Variants in NCAM1 observed in about 807,000 individuals in gnomAD.
NCAM1 encodes antigen recognized by monoclonal antibody 5.1H11.
NCAM1 carries 14 observed loss-of-function variants against 109.8 expected under a neutral mutation model. The observed-to-expected ratio is 0.13, with a 90% CI of 0.08 to 0.20. The LOEUF (loss-of-function observed/expected upper bound fraction) is 0.20. Ranked by LOEUF, NCAM1 falls within the 10% of genes least tolerant of loss-of-function variation. NCAM1 has a pLI of 1.00. For missense variants in NCAM1, 774 were observed against 1,109.9 expected (o/e 0.70, Z 4.30); for synonymous variants, 418 against 442.9 (o/e 0.94, Z 0.70).
intron 1 of NCAM1, among the ~76,000 whole-genome samples, chr11:113,126,801 A>G (rs1941198143): frequency 6.6e-6 from 1 of 152,234 alleles, no homozygotes. Flanking sequence ...GAGAATAAGC[A>G]AATTCACAGC....
chr11:113,246,405 TG>T (rs1555120245), intron 15 of NCAM1, 35 bp downstream of exon 15: 1 of 732,976 alleles, frequency 1.4e-6, no homozygotes, highest in Admixed American at 1.9e-5. Context: ...GAAATAAATC[TG>T]GGACCACAGC....
intron 1 of NCAM1, among the ~76,000 whole-genome samples, chr11:113,089,665 A>G (rs1245108): frequency 0.83 from 126,542 of 152,122 alleles, 52,975 homozygotes; most frequent in African/African-American, 0.92. Flanking sequence ...GAATAAATGT[A>G]TTGCAAGAGT....
intron 9 of NCAM1, among the ~76,000 whole-genome samples, chr11:113,222,891 C>T (rs540830401): frequency 6.6e-6 from 1 of 152,236 alleles, no homozygotes; most frequent in Admixed American, 6.5e-5. Context: ...AATGCTGCCC[C>T]TAGGGCTCAG....
chr11:113,270,553 C>G lies in NCAM1; in HGVS notation c.2339+158C>G, dbSNP rs1946244505. 8 of 690,550 alleles carry G rather than the reference C, an allele frequency of 1.2e-5. 1 individual carries two copies. In the South Asian group the frequency reaches 1.5e-4, roughly 13 times the overall value. 42.8% of individuals were successfully genotyped at this position (690,550 alleles called of 1,614,324 possible). On this transcript the variant is annotated intron_variant, in intron 18 of 19. Transcript: ENST00000316851. Reference sequence around the variant, plus strand: ...GGGGAAAAACATTAGAGAAAAGTTTCTCAAAGCATGGTCTTTGGGGGTTAC... The same window carrying G: ...GGGGAAAAACATTAGAGAAAAGTTTGTCAAAGCATGGTCTTTGGGGGTTAC...
At chr11:113,057,592 A>G (rs1953755996) in intron 1 of NCAM1, among the ~76,000 whole-genome samples, 1 of 152,190 alleles carries the variant, frequency 6.6e-6, no homozygotes, top group Non-Finnish European at 1.5e-5. Context: ...GGACTACACT[A>G]GAATGGAGGA....
chr11:113,269,904 G>A (rs529119077), intron 17 of NCAM1: 16 of 499,016 alleles, frequency 3.2e-5, no homozygotes, highest in Admixed American at 6.6e-5. Flanking sequence ...TCAGACAGGC[G>A]GGGCTCAGTC....
At chr11:113,263,161 G>T (rs1474761403) in intron 17 of NCAM1, 1 of 1,195,508 alleles carries the variant, frequency 8.4e-7, no homozygotes, top group Non-Finnish European at 1.0e-6. Flanking sequence ...GCAGTAAAAA[G>T]AATTTGAGAG....
At chr11:113,184,764 G>T (rs1943444507) in intron 1 of NCAM1, among the ~76,000 whole-genome samples, 1 of 152,056 alleles carries the variant, frequency 6.6e-6, no homozygotes, top group Admixed American at 6.6e-5. Flanking sequence ...CTGATCAGCT[G>T]ACACTTATGG....
intron 1 of NCAM1, among the ~76,000 whole-genome samples, chr11:112,974,982 C>A (rs1950970295): frequency 6.6e-6 from 1 of 151,866 alleles, no homozygotes; most frequent in African/African-American, 2.4e-5. Context: ...TTTTTGAAGT[C>A]TTTTATCTTG....
chr11:113,028,191 T>G (rs546325027), intron 1 of NCAM1, among the ~76,000 whole-genome samples: 1 of 152,318 alleles, frequency 6.6e-6, no homozygotes, highest in African/African-American at 2.4e-5. Flanking sequence ...TCTTGAAAGT[T>G]ATGACCACAA....
Position 113,009,312 on chromosome 11 carries a change from G to GTTTTTTTTTTTTTT in NCAM1, c.52+47664_52+47677dup, listed in dbSNP as rs781818836. On this transcript the variant is annotated intron_variant, in intron 1 of 19. Coordinates refer to ENST00000316851, the MANE Select transcript of NCAM1 (RefSeq NM_181351.5). ...GATTTAATTGGAAGGGTTTTTTCGG[G>GTTTTTTTTTTTTTT]TTTTTTTTTTTTTTTTTTTTTTTTT... Among the ~76,000 whole-genome samples the GTTTTTTTTTTTTTT allele has an allele frequency of 2.4e-3, 191 of 79,662 alleles. 2 individuals carry two copies. The highest frequency in any genetic ancestry group is 2.7e-3 in the Non-Finnish European group (113 of 42,098). The allele number at this position is 79,662 out of a possible 152,430, so 52.3% of individuals were successfully genotyped here. A position where few individuals can be genotyped will look rare whatever the true frequency, so the allele number is the denominator to read the frequency against.
At chr11:112,979,654 C>T (rs1397601209) in intron 1 of NCAM1, among the ~76,000 whole-genome samples, 3 of 151,796 alleles carry the variant, frequency 2.0e-5, no homozygotes, top group Admixed American at 1.3e-4. Context: ...TGGGATCTAT[C>T]TGCTTCTTTA....
intron 1 of NCAM1, among the ~76,000 whole-genome samples, chr11:112,970,993 A>G (rs1444249338): frequency 6.6e-6 from 1 of 152,160 alleles, no homozygotes; most frequent in African/African-American, 2.4e-5. Context: ...TGATGGAGAA[A>G]TTAAGAGACA....
rs372122947 is a variant in NCAM1, at chr11:113,275,320, C to T, written c.2510C>T (p.Ala837Val). 1.1e-4 allele frequency: 179 copies of T among 1,613,484 alleles called. No individual in the cohort carries two copies. The highest frequency in any genetic ancestry group is 1.4e-4 in the Non-Finnish European group (169 of 1,179,768). Reference sequence around the variant, plus strand: ...TGCCAGGAGACAGAAACGAAGCCAGCGCCAGCCGAAGTCAAGACGGTCCCC... The same window carrying T: ...TGCCAGGAGACAGAAACGAAGCCAGTGCCAGCCGAAGTCAAGACGGTCCCC... ...PECQETETKP[A>V]PAEVKTVPND... is the part of the protein sequence containing the mutation. Residue 837 changes from alanine (A) to valine (V), a missense_variant, in exon 20 of 20, where the codon GCG becomes GTG. Physicochemically the swap from Ala to Val is moderately conservative, Grantham distance 64 (BLOSUM62 0). Around this residue, in one of 4 missense-constraint regions of NCAM1, gnomAD observed 122 missense variants for 129.7 expected, o/e 0.94. Coordinates refer to ENST00000316851, the MANE Select transcript of NCAM1 (RefSeq NM_181351.5).
intron 1 of NCAM1, chr11:113,133,754 G>T (rs1555098823): frequency 6.6e-6 from 1 of 152,124 alleles, no homozygotes; most frequent in African/African-American, 2.4e-5. Flanking sequence ...TCACAGTTAA[G>T]CTGTGTAAAG....
chr11:112,965,309 T>A (rs572814919), intron 1 of NCAM1, among the ~76,000 whole-genome samples: 1 of 152,154 alleles, frequency 6.6e-6, no homozygotes, highest in East Asian at 1.9e-4. Context: ...GTAAGGGATG[T>A]GGGTGTTTAC....
intron 1 of NCAM1, among the ~76,000 whole-genome samples, chr11:113,201,559 C>G (rs922895692): frequency 4.6e-5 from 7 of 152,244 alleles, no homozygotes; most frequent in African/African-American, 1.7e-4. Context: ...TGTCTGCTCC[C>G]AGCAGATAAA....
At position 113,275,523 on chromosome 11, in the gene NCAM1, A is replaced by C. The variant is rs540477361; in HGVS notation, c.*136A>C. 1.2e-4 allele frequency: 135 copies of C among 1,149,172 alleles called. No individual in the cohort carries two copies. The African/African-American group carries it at 1.9e-3, about 17-fold the overall frequency. The allele number at this position is 1,149,172 out of a possible 1,614,324, so 71.2% of individuals were successfully genotyped here. On this transcript the variant is annotated 3_prime_UTR_variant, in exon 20 of 20. Coordinates refer to ENST00000316851, the MANE Select transcript of NCAM1 (RefSeq NM_181351.5). ...GCACACACACACATCTCATTTCTCT[A>C]GTGTCTTTTGCCTTTAAAAAAAACT...
chr11:113,086,313 T>C (rs1183065522), intron 1 of NCAM1, among the ~76,000 whole-genome samples: 1 of 152,358 alleles, frequency 6.6e-6, no homozygotes, highest in East Asian at 1.9e-4. Flanking sequence ...ACTGACAAAG[T>C]AGGGAATGCT....
Sources: allele counts gnomAD v4.1 joint callset (sites outside exome capture counted in the v4.1 genomes callset), GRCh38; gene constraint gnomAD v4.1.1; regional missense constraint gnomAD v4.1.1; transcripts MANE v1.5; gene names NCBI Gene and HGNC (gene_info 2026-07-23, HGNC 2026-07-21).